DENND5A: variants seen among roughly 807,000 people sequenced by gnomAD.
DENND5A encodes DENN domain-containing protein 5A.
DENND5A carries 64 observed loss-of-function variants against 140.3 expected under a neutral mutation model. The observed-to-expected ratio is 0.46, with a 90% CI of 0.37 to 0.56. The LOEUF is 0.56. Among genes scored for constraint, DENND5A ranks in the 20% least tolerant of loss-of-function variants. DENND5A has a pLI of 0.00. For synonymous variants in DENND5A, 605 were observed against 607.7 expected, an observed-to-expected ratio of 1.00 and a Z score of 0.07; for missense variants, 1,292 against 1,593.8, an observed-to-expected ratio of 0.81 and a Z score of 3.22.
intron 1 of DENND5A, among the ~76,000 whole-genome samples, chr11:9,239,365 C>CT: frequency 7.6e-6 from 1 of 131,600 alleles, no homozygotes; most frequent in South Asian, 2.4e-4. Flanking sequence ...GAGACAGGGT[C>CT]TTGTTCAGTT....
In DENND5A at chr11:9,160,728, T is replaced by C; in HGVS notation, c.2421A>G (p.Gly807=). The part of the protein sequence containing the change: ...CDLLERIWSH[G]LQVKQGKSAL... ...CATACATTACCTGTTTCACTTGTAG[T>C]CCATGACTCCAGATCCTTTCCAGGA... is the stretch of plus-strand genomic sequence containing the variant. The change falls in exon 12 of 23, where the codon GGA becomes GGG. Residue 807 remains glycine, a synonymous_variant. Coordinates refer to ENST00000328194, the MANE Select transcript of DENND5A (RefSeq NM_015213.4). 6.2e-7 allele frequency: 1 copy of C among 1,613,204 alleles called. No homozygotes were observed. The highest frequency in any genetic ancestry group is 2.2e-5 in the East Asian group (1 of 44,862).
intron 4 of DENND5A, among the ~76,000 whole-genome samples, chr11:9,202,813 T>C (rs896824942): frequency 2.0e-5 from 3 of 152,200 alleles, no homozygotes; most frequent in African/African-American, 7.2e-5. Context: ...CCTGGAATAC[T>C]TTTCCTACAG....
At chr11:9,254,071 G>A (rs1050827979) in intron 1 of DENND5A, among the ~76,000 whole-genome samples, 23 of 150,872 alleles carry the variant, frequency 1.5e-4, no homozygotes, top group African/African-American at 3.9e-4. Context: ...CAGGAGAATC[G>A]CTTGAACCCG....
intron 8 of DENND5A, 65 bp downstream of exon 8, chr11:9,178,067 G>A: frequency 8.9e-7 from 1 of 1,119,246 alleles, no homozygotes; most frequent in Non-Finnish European, 1.4e-6. Context: ...GGCATATTTA[G>A]GAAAAGGGAC....
chr11:9,171,493 C>A (rs1848371748), intron 8 of DENND5A: 1 of 152,154 alleles, frequency 6.6e-6, no homozygotes, highest in African/African-American at 2.4e-5. Context: ...CATCCCAGAA[C>A]AAAGACTGAG....
chr11:9,178,562 C>T (rs2136172437), intron 7 of DENND5A, among the ~76,000 whole-genome samples, 196 bp from the exon 8 acceptor site: 1 of 151,834 alleles, frequency 6.6e-6, no homozygotes, highest in Non-Finnish European at 1.5e-5. Context: ...CTGGAACAAA[C>T]TCACTTGGGT....
chr11:9,239,479 G>A (rs1013783026), intron 1 of DENND5A, among the ~76,000 whole-genome samples: 1 of 151,658 alleles, frequency 6.6e-6, no homozygotes, highest in African/African-American at 2.4e-5. Flanking sequence ...TGAGACTACA[G>A]GCATGCACCA....
At chr11:9,235,124 A>G (rs1439350642) in intron 1 of DENND5A, among the ~76,000 whole-genome samples, 1 of 152,198 alleles carries the variant, frequency 6.6e-6, no homozygotes, top group South Asian at 2.1e-4. Flanking sequence ...TGACCCATCA[A>G]TTCCATTCTT....
chr11:9,260,193 A>G (rs1000075715), intron 1 of DENND5A, among the ~76,000 whole-genome samples: 1 of 152,242 alleles, frequency 6.6e-6, no homozygotes, highest in East Asian at 1.9e-4. Flanking sequence ...AAATTGGAGT[A>G]CAAGATGAAA....
intron 8 of DENND5A, among the ~76,000 whole-genome samples, chr11:9,177,265 A>C (rs564398225): frequency 6.6e-6 from 1 of 151,264 alleles, no homozygotes; most frequent in Non-Finnish European, 1.5e-5. Context: ...AAAAAAAAAA[A>C]AAAGAAAGAA....
In DENND5A at chr11:9,150,662, A is replaced by C; in HGVS notation, c.2606+18T>G. 1 of 1,585,960 alleles carries C rather than the reference A, an allele frequency of 6.3e-7. No individual in the cohort carries two copies. The highest frequency in any genetic ancestry group is 8.6e-7 in the Non-Finnish European group (1 of 1,160,366). On this transcript the variant is annotated intron_variant, in intron 14 of 22. Coordinates refer to ENST00000328194, the MANE Select transcript of DENND5A (RefSeq NM_015213.4). ...AAACAGGATTTTAGTGGCTTATTACATGTGAGCCCATACTGACCTCATATC... is the reference window on the plus strand; with the variant it reads ...AAACAGGATTTTAGTGGCTTATTACCTGTGAGCCCATACTGACCTCATATC...
intron 4 of DENND5A, 58 bp from the exon 5 acceptor site, chr11:9,193,739 G>C (rs1443080419): frequency 6.3e-6 from 9 of 1,436,108 alleles, no homozygotes; most frequent in Non-Finnish European, 7.6e-6. Flanking sequence ...CAAGGCACTT[G>C]CTTTCCAAAC....
chr11:9,174,966 TAAATAAG>T (rs1848500893), intron 8 of DENND5A, among the ~76,000 whole-genome samples: 1 of 147,012 alleles, frequency 6.8e-6, no homozygotes, highest in Non-Finnish European at 1.5e-5. Context: ...AAAAAATAAA[TAAATAAG>T]AAGAAGAAGA....
intron 1 of DENND5A, among the ~76,000 whole-genome samples, chr11:9,241,496 C>T (rs1851232225): frequency 6.6e-6 from 1 of 152,184 alleles, no homozygotes; most frequent in African/African-American, 2.4e-5. Flanking sequence ...TCTCTAATCT[C>T]ATCTTCCCAC....
At chr11:9,251,991 G>GA (rs1277734538) in intron 1 of DENND5A, among the ~76,000 whole-genome samples, 7 of 123,608 alleles carry the variant, frequency 5.7e-5, no homozygotes, top group East Asian at 2.5e-4. Context: ...TCTGTCTCGC[G>GA]AAAAAAAAGA....
At chr11:9,196,962 T>A in intron 4 of DENND5A, among the ~76,000 whole-genome samples, 1 of 151,858 alleles carries the variant, frequency 6.6e-6, no homozygotes, top group Admixed American at 6.6e-5. Context: ...TATGTATAAT[T>A]TAAAGAATAT....
At chr11:9,150,296 C>G in intron 14 of DENND5A, 87 bp from the exon 15 acceptor site, 1 of 1,486,700 alleles carries the variant, frequency 6.7e-7, no homozygotes, top group East Asian at 2.3e-5. Context: ...CAAAGGAGAC[C>G]TGCTGAGACA....
Position 9,139,848 on chromosome 11 carries a change from G to A in DENND5A, c.3687C>T (p.His1229=). 6.2e-7 allele frequency: 1 copy of A among 1,613,868 alleles called. No individual in the cohort carries two copies. Among genetic ancestry groups the A allele is most frequent in the Non-Finnish European group, 8.5e-7 (1 of 1,179,922 alleles). Reference sequence around the variant, plus strand: ...GCAGGGCAATCCAGTGGTGTAGGAGGTGATCTCTGGCAGAGCGGGAGCAGT... The same window carrying A: ...GCAGGGCAATCCAGTGGTGTAGGAGATGATCTCTGGCAGAGCGGGAGCAGT... ...QMLVCLGARD[H]LLHHWIALLA... The change falls in exon 23 of 23, where the codon CAC becomes CAT. Residue 1229 remains histidine (H), a synonymous_variant. Transcript: ENST00000328194.
chr11:9,213,808 C>CCAAAAAAAAAAAA (rs374762022), intron 1 of DENND5A, among the ~76,000 whole-genome samples: 1 of 69,628 alleles, frequency 1.4e-5, no homozygotes, highest in Middle Eastern at 7.5e-3. Flanking sequence ...CTCCGTCTCC[C>CCAAAAAAAAAAAA]AAAAAAAAAA....
Sources: gnomAD v4.1 joint callset for allele counts (sites outside exome capture counted in the v4.1 genomes callset) on GRCh38, gnomAD v4.1.1 for gene constraint, MANE v1.5 for transcripts, NCBI Gene and HGNC (gene_info 2026-07-23, HGNC 2026-07-21) for gene names.